Variants in DENND1A observed in about 807,000 individuals in gnomAD.
DENND1A encodes DENN domain containing 1A.
Under a neutral mutation model 113.7 loss-of-function variants are expected in DENND1A, and 51 were observed. The ratio of observed to expected loss-of-function variants is 0.45; its 90% CI spans 0.36 to 0.57. The LOEUF (loss-of-function observed/expected upper bound fraction) is 0.57, where lower values mean the gene tolerates loss of function less well. Among genes scored for constraint, DENND1A ranks in the 20% least tolerant of loss-of-function variants. DENND1A has a pLI of 0.00. For synonymous variants in DENND1A, 565 were observed against 570.8 expected (o/e 0.99, Z 0.14); for missense variants, 1,258 against 1,395.9 (o/e 0.90, Z 1.57).
At chr9:123,749,201 C>T (rs971810207) in intron 5 of DENND1A, among the ~76,000 whole-genome samples, 2 of 152,186 alleles carry the variant, frequency 1.3e-5, no homozygotes, top group Non-Finnish European at 2.9e-5. Context: ...CTTCCTGTCT[C>T]ATTCATGTTT....
At chr9:123,407,688 C>G (rs923330067) in intron 20 of DENND1A, among the ~76,000 whole-genome samples, 1 of 152,020 alleles carries the variant, frequency 6.6e-6, no homozygotes, top group African/African-American at 2.4e-5. Flanking sequence ...CAGCCGCGTC[C>G]GGGGAGAAAA....
intron 5 of DENND1A, among the ~76,000 whole-genome samples, chr9:123,744,300 T>G (rs2069282208): frequency 6.6e-6 from 1 of 152,238 alleles, no homozygotes; most frequent in Admixed American, 6.5e-5. Flanking sequence ...CTTCTATAAG[T>G]ACTGGATATT....
Position 123,422,170 on chromosome 9 carries a change from G to A in DENND1A, c.1489-10341C>T, listed in dbSNP as rs555733573. On this transcript the variant is annotated intron_variant, in intron 19 of 23. Coordinates refer to ENST00000394215, the MANE Select transcript of DENND1A (RefSeq NM_001352964.2). This position sits in a 1 kb window ranked among gnomAD's most constrained non-coding sequence, Gnocchi z 4.8. The stretch of plus-strand genomic sequence containing the variant: ...AGGCCTGGCACGCGGTCAAGTTAAA[G>A]TAAATGGCTGCCCAAGAGTGGGGAA... Among the ~76,000 whole-genome samples the A allele has an allele frequency of 6.6e-6, 1 of 152,340 alleles. No individual in the cohort carries two copies. Among genetic ancestry groups the A allele is most frequent in the East Asian group, 1.9e-4 (1 of 5,176 alleles).
Position 123,764,009 on chromosome 9 carries a change from T to C in DENND1A, c.182+5505A>G, listed in dbSNP as rs905342397. Among the ~76,000 whole-genome samples, 13 of 152,154 alleles carry C rather than the reference T, an allele frequency of 8.5e-5. No individual in the cohort carries two copies. Among genetic ancestry groups the C allele is most frequent in the African/African-American group, 3.1e-4 (13 of 41,438 alleles). ...CTTGTTTTTAAGCTGTTGGAAATGA[T>C]TCAGCAGAGGCAGAGATTTATGATG... On this transcript the variant is annotated intron_variant, in intron 4 of 23. Transcript: ENST00000394215. This position sits in a 1 kb window ranked among gnomAD's most constrained non-coding sequence, Gnocchi z 4.1.
intron 5 of DENND1A, among the ~76,000 whole-genome samples, chr9:123,709,444 CTCTAT>C (rs2066443027): frequency 6.6e-6 from 1 of 152,172 alleles, no homozygotes. Context: ...CCCCTTGAGT[CTCTAT>C]ACTTGGCTTG....
intron 2 of DENND1A, among the ~76,000 whole-genome samples, chr9:123,846,307 A>G (rs149710893): frequency 6.6e-6 from 1 of 152,344 alleles, no homozygotes; most frequent in Non-Finnish European, 1.5e-5. Flanking sequence ...GCTAAAAAAT[A>G]GAATTACCAT....
In DENND1A at chr9:123,494,231, T is replaced by C. The variant is rs528692507; in HGVS notation, c.994-36334A>G. 2.0e-5 allele frequency among the ~76,000 whole-genome samples: 3 copies of C among 152,294 alleles called. No individual in the cohort carries two copies. In the East Asian group the frequency reaches 5.8e-4, roughly 29 times the overall value. On this transcript the variant is annotated intron_variant, in intron 13 of 23. Coordinates refer to ENST00000394215, the MANE Select transcript of DENND1A (RefSeq NM_001352964.2). ...TACTTGCTAATAAAACTGACTTTTT[T>C]ACACTGGCTGTCCAAAGGAACCTGG...
chr9:123,448,887 C>G (rs1292087194), intron 18 of DENND1A, among the ~76,000 whole-genome samples: 2 of 152,232 alleles, frequency 1.3e-5, no homozygotes, highest in Admixed American at 1.3e-4. Flanking sequence ...AAAATTAAAA[C>G]TGCTTTCAAT....
At position 123,929,933 on chromosome 9, in the gene DENND1A, G is replaced by T; in HGVS notation, c.-28C>A. 1 of 324,864 alleles carries T rather than the reference G, an allele frequency of 3.1e-6. No individual in the cohort carries two copies. Among genetic ancestry groups the T allele is most frequent in the Non-Finnish European group, 5.7e-6 (1 of 175,168 alleles). 20.1% of individuals were successfully genotyped at this position (324,864 alleles called of 1,614,324 possible). On this transcript the variant is annotated 5_prime_UTR_variant, in exon 1 of 24. Coordinates refer to ENST00000394215, the MANE Select transcript of DENND1A (RefSeq NM_001352964.2). ...TCCCCAGGCCTCCTCATGGGCCCGCGGGCCCCGCTCGGCGCTGCGCTGCCC... is the reference window on the plus strand; with the variant it reads ...TCCCCAGGCCTCCTCATGGGCCCGCTGGCCCCGCTCGGCGCTGCGCTGCCC...
chr9:123,801,665 A>G (rs995632459), intron 2 of DENND1A, among the ~76,000 whole-genome samples: 1 of 152,228 alleles, frequency 6.6e-6, no homozygotes, highest in Non-Finnish European at 1.5e-5. Context: ...GGATCATATA[A>G]TAATTCTACA....
chr9:123,783,149 A>C (rs1229880461), intron 3 of DENND1A, among the ~76,000 whole-genome samples: 2 of 152,350 alleles, frequency 1.3e-5, no homozygotes, highest in East Asian at 3.9e-4. Context: ...AGATTTCACA[A>C]CTGGAATAAA....
intron 9 of DENND1A, among the ~76,000 whole-genome samples, chr9:123,647,416 G>A (rs1042985323): frequency 2.0e-4 from 31 of 152,130 alleles, no homozygotes; most frequent in African/African-American, 7.5e-4. Context: ...ACCTGCAAAG[G>A]CGTATTTATT....
intron 13 of DENND1A, among the ~76,000 whole-genome samples, chr9:123,516,103 CACAT>C (rs1296570000): frequency 5.8e-4 from 23 of 39,808 alleles, no homozygotes; most frequent in South Asian, 3.4e-3. Context: ...TATATACACA[CACAT>C]ACACACACAC....
At chr9:123,433,404 T>C (rs1273749900) in intron 19 of DENND1A, among the ~76,000 whole-genome samples, 1 of 152,228 alleles carries the variant, frequency 6.6e-6, no homozygotes, top group Non-Finnish European at 1.5e-5. Flanking sequence ...CTCTCTCTTC[T>C]CTACACATGG....
intron 13 of DENND1A, among the ~76,000 whole-genome samples, chr9:123,507,793 C>T (rs1237350940): frequency 1.3e-5 from 2 of 151,686 alleles, no homozygotes; most frequent in African/African-American, 4.8e-5. Flanking sequence ...CACTGCACTG[C>T]AGCCTGGGCA....
intron 20 of DENND1A, among the ~76,000 whole-genome samples, chr9:123,410,761 G>A (rs549432851): frequency 2.6e-5 from 4 of 152,324 alleles, no homozygotes; most frequent in East Asian, 3.9e-4. Context: ...TGCAGAGGGC[G>A]GGAGGACTAG....
At chr9:123,441,569 C>T (rs529485187) in intron 18 of DENND1A, among the ~76,000 whole-genome samples, 95 of 152,224 alleles carry the variant, frequency 6.2e-4, no homozygotes, top group African/African-American at 1.8e-3. Flanking sequence ...GCCATGGCTC[C>T]GGTGGCTGAA....
chr9:123,878,866 T>G, intron 2 of DENND1A, 85 bp downstream of exon 2: 1 of 1,328,846 alleles, frequency 7.5e-7, no homozygotes, highest in East Asian at 2.4e-5. Flanking sequence ...AATAACAATT[T>G]ACTCATATTC....
intron 3 of DENND1A, among the ~76,000 whole-genome samples, chr9:123,777,228 T>C (rs933313886): frequency 5.9e-5 from 9 of 152,246 alleles, no homozygotes; most frequent in Non-Finnish European, 1.2e-4. Context: ...GCCTCCAGTA[T>C]GCAGTCATTG....
Sources: allele counts gnomAD v4.1 joint callset (sites outside exome capture counted in the v4.1 genomes callset), GRCh38; gene constraint gnomAD v4.1.1; non-coding constraint Gnocchi (gnomAD v3.1); transcripts MANE v1.5; gene names NCBI Gene and HGNC (gene_info 2026-07-23, HGNC 2026-07-21).